The following FHIT variants were observed in gnomAD, a reference collection of about 807,000 sequenced individuals.
The protein encoded by FHIT is bis(5'-adenosyl)-triphosphatase.
A neutral mutation model predicts 17.9 loss-of-function variants in FHIT; 19 were observed. The observed-to-expected ratio is 1.06, with a 90% CI of 0.74 to 1.56. FHIT has a LOEUF of 1.56. Ranked by LOEUF, FHIT falls within the 40% of genes most tolerant of loss-of-function variation. The probability of loss-of-function intolerance (pLI) is 0.00; values close to 1 mark genes in which losing one functional copy is unlikely to be tolerated. For missense variants in FHIT, 248 were observed against 189.2 expected (o/e 1.31, Z -1.82); for synonymous variants, 81 against 69.7 (o/e 1.16, Z -0.81).
intron 4 of FHIT, among the ~76,000 whole-genome samples, chr3:60,639,878 T>G (rs2107789056): frequency 6.6e-6 from 1 of 152,256 alleles, no homozygotes; most frequent in Non-Finnish European, 1.5e-5. Flanking sequence ...TAATCCAAAC[T>G]TGTAAACAAC....
chr3:60,920,965 A>G (rs920973904), intron 3 of FHIT, among the ~76,000 whole-genome samples: 6 of 152,210 alleles, frequency 3.9e-5, no homozygotes, highest in African/African-American at 1.4e-4. Context: ...AAACTGCCGC[A>G]GACGATTTCT....
chr3:60,905,818 AATGAAAAT>A (rs1706379531), intron 3 of FHIT, among the ~76,000 whole-genome samples: 1 of 152,198 alleles, frequency 6.6e-6, no homozygotes. Flanking sequence ...ACCAGAAACT[AATGAAAAT>A]ATTTTCAAAG....
chr3:60,136,875 A>G (rs1013826178), intron 5 of FHIT, among the ~76,000 whole-genome samples: 1 of 152,182 alleles, frequency 6.6e-6, no homozygotes, highest in African/African-American at 2.4e-5. Context: ...TGATACTAGA[A>G]AAAAGGAAGC....
intron 2 of FHIT, among the ~76,000 whole-genome samples, chr3:61,168,746 G>A (rs2037912863): frequency 6.6e-6 from 1 of 152,208 alleles, no homozygotes; most frequent in Non-Finnish European, 1.5e-5. Flanking sequence ...TCTGGTTCAA[G>A]TGCATACGCT....
chr3:61,060,287 C>G (rs905848874), intron 2 of FHIT, among the ~76,000 whole-genome samples: 1 of 152,164 alleles, frequency 6.6e-6, no homozygotes, highest in African/African-American at 2.4e-5. Flanking sequence ...ATCAATTAGT[C>G]TATGGTGAAA....
chr3:60,459,154 T>C (rs985679994), intron 5 of FHIT, among the ~76,000 whole-genome samples: 2 of 152,140 alleles, frequency 1.3e-5, no homozygotes, highest in Admixed American at 1.3e-4. Flanking sequence ...TCTAGCTTCA[T>C]CAAAATCACT....
chr3:60,161,415 A>G lies in FHIT; in HGVS notation c.104-147263T>C, dbSNP rs554869030. On this transcript the variant is annotated intron_variant, in intron 5 of 9. Transcript: ENST00000492590. ...TAGGGCCTGATTTGTGCCAGTGCTT[A>G]GGAATCTCCGGGTATTTCATGTGCA... Among the ~76,000 whole-genome samples the G allele has an allele frequency of 2.0e-5, 3 of 152,312 alleles. No homozygotes were observed. In the East Asian group the frequency reaches 5.8e-4, roughly 29 times the overall value.
intron 7 of FHIT, among the ~76,000 whole-genome samples, chr3:59,934,721 A>G (rs1334930121): frequency 6.6e-6 from 1 of 152,124 alleles, no homozygotes; most frequent in Non-Finnish European, 1.5e-5. Flanking sequence ...CCTTCTTCAC[A>G]TGGGGGCAGC....
chr3:60,474,213 T>G (rs2033233417), intron 5 of FHIT, among the ~76,000 whole-genome samples: 1 of 152,220 alleles, frequency 6.6e-6, no homozygotes, highest in South Asian at 2.1e-4. Flanking sequence ...CTAGAGTTTC[T>G]TCTGGTATAG....
At chr3:59,981,989 T>A (rs1238961162) in intron 7 of FHIT, among the ~76,000 whole-genome samples, 2 of 152,090 alleles carry the variant, frequency 1.3e-5, no homozygotes, top group African/African-American at 4.8e-5. Context: ...TGATCTGGTA[T>A]TAAAAATCAG....
intron 4 of FHIT, among the ~76,000 whole-genome samples, chr3:60,598,512 A>C (rs1385233952): frequency 6.6e-6 from 1 of 152,168 alleles, no homozygotes; most frequent in East Asian, 1.9e-4. Context: ...AAAATCACTT[A>C]ATCTTCCATG....
rs568745275 is a variant in FHIT at position 61,081,380 on chromosome 3, C to A, written c.-163-39281G>T. ...CTTTAAAAAGAAGCTATATTCCTAACTGGTCAAGGAGATTTAGGTGAATTC... is the reference window on the plus strand; with the variant it reads ...CTTTAAAAAGAAGCTATATTCCTAAATGGTCAAGGAGATTTAGGTGAATTC... On this transcript the variant is annotated intron_variant, in intron 2 of 9. Transcript: ENST00000492590. Among the ~76,000 whole-genome samples the A allele has an allele frequency of 1.4e-4, 22 of 152,314 alleles. 1 individual carries two copies. The highest frequency in any genetic ancestry group is 5.1e-4 in the African/African-American group (21 of 41,576).
rs574028253 is a variant in FHIT at position 59,960,738 on chromosome 3, G to A, written c.280-38324C>T. On this transcript the variant is annotated intron_variant, in intron 7 of 9. Coordinates refer to ENST00000492590, the MANE Select transcript of FHIT (RefSeq NM_002012.4). ...GCATCTGCATCTTTCTTCCTCTTGCGTTTCAATAAAAGCTTCTATTTTTAA... is the reference window on the plus strand; with the variant it reads ...GCATCTGCATCTTTCTTCCTCTTGCATTTCAATAAAAGCTTCTATTTTTAA... Among the ~76,000 whole-genome samples, 13 of 152,190 alleles carry A rather than the reference G, an allele frequency of 8.5e-5. No individual in the cohort carries two copies. The East Asian group carries it at 1.2e-3, about 14-fold the overall frequency.
intron 4 of FHIT, among the ~76,000 whole-genome samples, chr3:60,686,406 CA>C (rs2040863280): frequency 6.6e-6 from 1 of 152,014 alleles, no homozygotes; most frequent in South Asian, 2.1e-4. Context: ...AAAGTAATTG[CA>C]AAACCACGAT....
intron 5 of FHIT, among the ~76,000 whole-genome samples, chr3:60,285,579 A>G (rs1163000445): frequency 2.0e-5 from 3 of 152,134 alleles, no homozygotes; most frequent in African/African-American, 4.8e-5. Flanking sequence ...ATGCTGCTGT[A>G]AAGAGATTTT....
chr3:60,402,997 A>G (rs1194696280), intron 5 of FHIT, among the ~76,000 whole-genome samples: 1 of 152,232 alleles, frequency 6.6e-6, no homozygotes, highest in African/African-American at 2.4e-5. Context: ...CTTATTTCAC[A>G]GAGATACCAA....
At chr3:60,104,265 A>G (rs1293714303) in intron 5 of FHIT, among the ~76,000 whole-genome samples, 1 of 152,148 alleles carries the variant, frequency 6.6e-6, no homozygotes, top group East Asian at 1.9e-4. Flanking sequence ...CACATCATCA[A>G]TCAACCAGTG....
At chr3:59,824,310 T>C (rs1173311518) in intron 8 of FHIT, among the ~76,000 whole-genome samples, 1 of 152,162 alleles carries the variant, frequency 6.6e-6, no homozygotes, top group Non-Finnish European at 1.5e-5. Flanking sequence ...AATAGAGGCA[T>C]GGACTAGAAA....
chr3:60,121,487 A>G (rs1005415334), intron 5 of FHIT, among the ~76,000 whole-genome samples: 4 of 152,002 alleles, frequency 2.6e-5, no homozygotes. Flanking sequence ...GGAATTTGAG[A>G]CCAGCTTGGC....
Sources: allele counts gnomAD v4.1 joint callset (sites outside exome capture counted in the v4.1 genomes callset), GRCh38; gene constraint gnomAD v4.1.1; transcripts MANE v1.5; gene names NCBI Gene and HGNC (gene_info 2026-07-23, HGNC 2026-07-21).